Variants in ANO2 observed in about 807,000 individuals in gnomAD.
ANO2 encodes the protein anoctamin-2.
Under a neutral mutation model 124.2 loss-of-function variants are expected in ANO2, and 101 were observed. The ratio of observed to expected loss-of-function variants is 0.81; its 90% CI spans 0.69 to 0.96. ANO2 has a LOEUF of 0.96. Among genes scored for constraint, ANO2 ranks in the 40% least tolerant of loss-of-function variants. The probability of loss-of-function intolerance (pLI) is 0.00; values close to 1 mark genes in which losing one functional copy is unlikely to be tolerated. For missense variants in ANO2, 1,293 were observed against 1,274.5 expected (o/e 1.01, Z -0.22); for synonymous variants, 486 against 482.5 (o/e 1.01, Z -0.09).
intron 14 of ANO2, among the ~76,000 whole-genome samples, chr12:5,722,429 C>G (rs1057194587): frequency 2.6e-5 from 4 of 152,134 alleles, no homozygotes; most frequent in African/African-American, 9.7e-5. Context: ...ATGGCGTGAA[C>G]CTGGGAGGCA....
intron 10 of ANO2, among the ~76,000 whole-genome samples, chr12:5,753,743 T>C (rs1185749305): frequency 6.6e-6 from 1 of 152,184 alleles, no homozygotes; most frequent in Non-Finnish European, 1.5e-5. Context: ...GTTGATTTAG[T>C]ATCCTGCAAC....
At chr12:5,673,400 C>T (rs777113230) in intron 14 of ANO2, among the ~76,000 whole-genome samples, 4 of 152,190 alleles carry the variant, frequency 2.6e-5, no homozygotes, top group Non-Finnish European at 4.4e-5. Context: ...TGGCAGGCCT[C>T]TGGGAAGCAG....
chr12:5,945,677 G>A (rs1943072986), upstream of ANO2, among the ~76,000 whole-genome samples: 1 of 152,254 alleles, frequency 6.6e-6, no homozygotes, highest in Non-Finnish European at 1.5e-5. Flanking sequence ...CTGCCCAAGA[G>A]TTAGCCCTGG....
At chr12:5,780,739 G>A (rs972871709) in intron 10 of ANO2, among the ~76,000 whole-genome samples, 1 of 152,158 alleles carries the variant, frequency 6.6e-6, no homozygotes, top group African/African-American at 2.4e-5. Context: ...AACCCCCTCT[G>A]CCCTCAGGAA....
intron 20 of ANO2, among the ~76,000 whole-genome samples, chr12:5,582,514 G>A (rs1048990417): frequency 1.3e-5 from 2 of 152,194 alleles, no homozygotes; most frequent in African/African-American, 4.8e-5. Context: ...AATCTGTTTA[G>A]AGAACACAAA....
At chr12:5,848,665 G>A (rs750390907) in intron 4 of ANO2, among the ~76,000 whole-genome samples, 25 of 152,132 alleles carry the variant, frequency 1.6e-4, no homozygotes, top group Non-Finnish European at 2.8e-4. Flanking sequence ...GTTTACAGAC[G>A]CCCCAAGGAC....
intron 20 of ANO2, among the ~76,000 whole-genome samples, chr12:5,586,370 G>A (rs183660308): frequency 1.2e-3 from 188 of 152,312 alleles, no homozygotes; most frequent in Admixed American, 2.4e-3. Flanking sequence ...AAGATGGCAG[G>A]AGCCTCATTA....
At chr12:5,827,321 T>C (rs554707965) in intron 7 of ANO2, among the ~76,000 whole-genome samples, 1 of 151,404 alleles carries the variant, frequency 6.6e-6, no homozygotes, top group Admixed American at 6.6e-5. Context: ...AGCTATCACG[T>C]GCTGTGTGGG....
At chr12:5,816,045 T>C (rs1001613754) in intron 7 of ANO2, among the ~76,000 whole-genome samples, 4 of 152,026 alleles carry the variant, frequency 2.6e-5, no homozygotes, top group Non-Finnish European at 5.9e-5. Flanking sequence ...GCTTTGTAAG[T>C]TGGTTGCAAA....
At chr12:5,919,465 G>A (rs539133805) in intron 3 of ANO2, among the ~76,000 whole-genome samples, 113 of 148,530 alleles carry the variant, frequency 7.6e-4, no homozygotes, top group African/African-American at 2.5e-3. Context: ...TGAGGTCAAG[G>A]TGCCCAAAGC....
At chr12:5,713,132 G>T (rs1413161197) in intron 14 of ANO2, among the ~76,000 whole-genome samples, 3 of 152,200 alleles carry the variant, frequency 2.0e-5, no homozygotes, top group Non-Finnish European at 4.4e-5. Flanking sequence ...AGTAGGCCAG[G>T]CAAGTGGTGA....
At chr12:5,665,524 C>A (rs531042585) in intron 14 of ANO2, among the ~76,000 whole-genome samples, 5 of 152,282 alleles carry the variant, frequency 3.3e-5, no homozygotes, top group Admixed American at 2.0e-4. Flanking sequence ...CATAACCAAC[C>A]AGCAATGAGC....
chr12:5,727,512 C>CA (rs770431822), intron 14 of ANO2, among the ~76,000 whole-genome samples: 20,579 of 109,704 alleles, frequency 0.19, 1,567 homozygotes, highest in African/African-American at 0.26. Flanking sequence ...TTAAACAAAC[C>CA]AAAAAAAAAA....
intron 3 of ANO2, among the ~76,000 whole-genome samples, chr12:5,909,388 T>TTTACTAAATTTAGTAAATTG (rs1940900942): frequency 6.6e-6 from 1 of 152,222 alleles, no homozygotes; most frequent in Admixed American, 6.5e-5. Context: ...AAAAACTTTA[T>TTTACTAAATTTAGTAAATTG]CAATTTTTTT....
At position 5,577,592 on chromosome 12, in the gene ANO2, A is replaced by G. The variant is rs752963840; in HGVS notation, c.2439+363T>C. ...GGGATTGTAGCCTGGGCAATGCTCC[A>G]GGTATTGTTTAACTCAGGAGTAGAG... On this transcript the variant is annotated intron_variant, in intron 22 of 24. Transcript: ENST00000682330. Among the ~76,000 whole-genome samples the G allele has an allele frequency of 5.7e-4, 87 of 152,366 alleles. 1 individual carries two copies. The Middle Eastern group carries it at 0.014, about 24-fold the overall frequency.
intron 19 of ANO2, among the ~76,000 whole-genome samples, chr12:5,611,213 C>T (rs917116179): frequency 3.3e-5 from 5 of 152,064 alleles, no homozygotes; most frequent in Non-Finnish European, 7.4e-5. Flanking sequence ...TCGTGATCCG[C>T]CCACCTCAGC....
intron 7 of ANO2, among the ~76,000 whole-genome samples, chr12:5,819,141 G>T (rs1020050310): frequency 6.6e-6 from 1 of 152,162 alleles, no homozygotes; most frequent in Non-Finnish European, 1.5e-5. Flanking sequence ...AACAGTGATG[G>T]CCTCCCCTGA....
chr12:5,637,143 C>T (rs188031731), intron 15 of ANO2, among the ~76,000 whole-genome samples: 17 of 152,224 alleles, frequency 1.1e-4, no homozygotes, highest in South Asian at 6.2e-4. Flanking sequence ...ACTGGGAAAA[C>T]CTGGACATGA....
chr12:5,629,080 A>T (rs1368902388), intron 16 of ANO2, among the ~76,000 whole-genome samples: 1 of 152,080 alleles, frequency 6.6e-6, no homozygotes, highest in Non-Finnish European at 1.5e-5. Flanking sequence ...TTTCCTAAAA[A>T]CCTTGACTTG....
Sources: gnomAD v4.1 joint callset for allele counts (sites outside exome capture counted in the v4.1 genomes callset) on GRCh38, gnomAD v4.1.1 for gene constraint, MANE v1.5 for transcripts, NCBI Gene and HGNC (gene_info 2026-07-23, HGNC 2026-07-21) for gene names.